Variants in SHANK2 observed in about 807,000 individuals in gnomAD.
SHANK2 encodes the protein SH3 and multiple ankyrin repeat domains protein 2.
SHANK2 carries 43 observed loss-of-function variants against 133.7 expected under a neutral mutation model. The observed-to-expected ratio is 0.32, with a 90% CI of 0.25 to 0.41. The LOEUF is 0.41. Among genes scored for constraint, SHANK2 ranks in the 10% least tolerant of loss-of-function variants. SHANK2 has a pLI of 1.00. For missense variants in SHANK2, 1,994 were observed against 2,235.8 expected (o/e 0.89, Z 2.18); for synonymous variants, 1,017 against 952.8 (o/e 1.07, Z -1.24).
At chr11:70,509,619 G>A (rs1327821414) in intron 17 of SHANK2, among the ~76,000 whole-genome samples, 1 of 152,192 alleles carries the variant, frequency 6.6e-6, no homozygotes, top group Non-Finnish European at 1.5e-5. Context: ...TGCTGGCCAC[G>A]ACTTGAAGCT....
intron 11 of SHANK2, chr11:70,826,652 T>G: frequency 2.4e-6 from 1 of 412,350 alleles, no homozygotes; most frequent in East Asian, 7.3e-5. Flanking sequence ...CTTCCGAGCA[T>G]AGCTGGGCAT....
At chr11:70,636,517 ATG>A (rs1185932425) in intron 17 of SHANK2, among the ~76,000 whole-genome samples, 13 of 126,708 alleles carry the variant, frequency 1.0e-4, no homozygotes, top group South Asian at 7.6e-4. Context: ...ATGCATGAGA[ATG>A]TGTGAATATG....
At chr11:70,475,344 T>A (rs2058649605) in intron 25 of SHANK2, among the ~76,000 whole-genome samples, 2 of 152,192 alleles carry the variant, frequency 1.3e-5, no homozygotes, top group African/African-American at 4.8e-5. Context: ...GGCCATTTGG[T>A]TGGGCCTTGG....
At chr11:71,198,580 A>G (rs949248441) in intron 2 of SHANK2, among the ~76,000 whole-genome samples, 12 of 152,164 alleles carry the variant, frequency 7.9e-5, no homozygotes, top group Non-Finnish European at 1.3e-4. Flanking sequence ...GTGAGGGGTG[A>G]GACCACAGCT....
At chr11:70,607,408 A>G (rs782571274) in intron 17 of SHANK2, among the ~76,000 whole-genome samples, 2 of 152,008 alleles carry the variant, frequency 1.3e-5, no homozygotes, top group East Asian at 1.9e-4. Flanking sequence ...AACCAAGTAC[A>G]TGCTTGGCCA....
At chr11:70,732,721 G>A (rs565229662) in intron 14 of SHANK2, among the ~76,000 whole-genome samples, 36 of 152,294 alleles carry the variant, frequency 2.4e-4, no homozygotes, top group African/African-American at 7.0e-4. Flanking sequence ...GCTTCTGTCC[G>A]GTCTCTGCTG....
At chr11:70,906,025 CTGATCTCAA>C (rs1282529003) in intron 10 of SHANK2, among the ~76,000 whole-genome samples, 2 of 152,118 alleles carry the variant, frequency 1.3e-5, no homozygotes, top group African/African-American at 4.8e-5. Context: ...GCTGGCCAGG[CTGATCTCAA>C]ACTCCTGACC....
intron 14 of SHANK2, among the ~76,000 whole-genome samples, chr11:70,732,054 G>T (rs1398500352): frequency 1.3e-5 from 2 of 152,130 alleles, no homozygotes; most frequent in African/African-American, 4.8e-5. Context: ...CCCCCAGGGT[G>T]ACCTGCTCAA....
chr11:70,525,110 C>T (rs552465978), intron 17 of SHANK2, among the ~76,000 whole-genome samples: 3 of 152,382 alleles, frequency 2.0e-5, no homozygotes, highest in South Asian at 2.1e-4. Flanking sequence ...GCGACACTTA[C>T]AGTACCCATG....
chr11:70,649,573 G>A (rs2061315222), intron 17 of SHANK2, among the ~76,000 whole-genome samples: 1 of 152,162 alleles, frequency 6.6e-6, no homozygotes, highest in Admixed American at 6.5e-5. Context: ...GGCACCAAAG[G>A]CGAAGAGAAA....
intron 21 of SHANK2, among the ~76,000 whole-genome samples, chr11:70,494,322 C>A (rs1555156618): frequency 6.6e-6 from 1 of 152,102 alleles, no homozygotes; most frequent in Middle Eastern, 3.4e-3. Flanking sequence ...ACTTTTTTTT[C>A]TTTTCTTTAA....
At chr11:70,648,830 C>T (rs1253551862) in intron 17 of SHANK2, among the ~76,000 whole-genome samples, 7 of 152,106 alleles carry the variant, frequency 4.6e-5, no homozygotes, top group African/African-American at 1.7e-4. Flanking sequence ...CTCAGTGGTG[C>T]CTTCCTTTCC....
In SHANK2 at chr11:70,601,686, C is replaced by T. The variant is rs569585564; in HGVS notation, c.2061+58142G>A. Among the ~76,000 whole-genome samples, 151 of 152,228 alleles carry T rather than the reference C, an allele frequency of 9.9e-4. 1 individual carries two copies. Among genetic ancestry groups the T allele is most frequent in the African/African-American group, 2.8e-3 (117 of 41,522 alleles). On this transcript the variant is annotated intron_variant, in intron 17 of 25. Transcript: ENST00000601538. ...AATATATAAAGAACACAAATCAATCCGAAAAGGATGAACAACTCAGTAGAA... is the reference window on the plus strand; with the variant it reads ...AATATATAAAGAACACAAATCAATCTGAAAAGGATGAACAACTCAGTAGAA...
intron 11 of SHANK2, among the ~76,000 whole-genome samples, chr11:70,860,083 C>T (rs183934446): frequency 2.6e-5 from 4 of 152,350 alleles, no homozygotes; most frequent in East Asian, 3.9e-4. Context: ...CCTCCCCCAA[C>T]ATCCGACCCT....
chr11:70,772,369 G>A lies in SHANK2; in HGVS notation c.1777+26074C>T, dbSNP rs560183662. Among the ~76,000 whole-genome samples, 301 of 151,438 alleles carry A rather than the reference G, an allele frequency of 2.0e-3. 2 individuals carry two copies. The highest frequency in any genetic ancestry group is 7.1e-3 in the African/African-American group (294 of 41,260). ...GCAGGAGAATCGCTTGAACCCAGGA[G>A]GCAGAGGTTGCAGTGAGCCAAGATC... On this transcript the variant is annotated intron_variant, in intron 14 of 25. Transcript: ENST00000601538.
chr11:71,206,516 CAG>C (rs1227545566), intron 2 of SHANK2, among the ~76,000 whole-genome samples: 1 of 152,210 alleles, frequency 6.6e-6, no homozygotes, highest in East Asian at 1.9e-4. Flanking sequence ...TACATCCACG[CAG>C]AGAGATCGCA....
chr11:71,230,420 T>C (rs1954723752), intron 1 of SHANK2, among the ~76,000 whole-genome samples: 2 of 151,604 alleles, frequency 1.3e-5, no homozygotes, highest in Non-Finnish European at 2.9e-5. Flanking sequence ...ATACAAAAAA[T>C]TATCTGGGTG....
chr11:70,556,563 C>T (rs1256729709), intron 17 of SHANK2, among the ~76,000 whole-genome samples: 1 of 150,700 alleles, frequency 6.6e-6, no homozygotes, highest in Admixed American at 6.7e-5. Context: ...CTACAGGGAC[C>T]CACCGCCATG....
intron 15 of SHANK2, among the ~76,000 whole-genome samples, chr11:70,671,462 C>T (rs1257322616): frequency 6.6e-6 from 1 of 152,176 alleles, no homozygotes; most frequent in Non-Finnish European, 1.5e-5. Context: ...GTGGGAAGCT[C>T]CTTGTTTAAA....
Sources: allele counts gnomAD v4.1 joint callset (sites outside exome capture counted in the v4.1 genomes callset), GRCh38; gene constraint gnomAD v4.1.1; transcripts MANE v1.5; gene names NCBI Gene and HGNC (gene_info 2026-07-23, HGNC 2026-07-21).